The following RORA variants were observed in gnomAD, a reference collection of about 807,000 sequenced individuals.
The protein encoded by RORA is nuclear receptor ROR-alpha.
A neutral mutation model predicts 69.5 loss-of-function variants in RORA; 7 were observed. That is an observed-to-expected ratio of 0.10 (90% CI 0.06 to 0.19). The LOEUF (loss-of-function observed/expected upper bound fraction) is 0.19, where lower values mean the gene tolerates loss of function less well. RORA is among the 10% of genes least tolerant of loss of function. The pLI is 1.00. For missense variants in RORA, 457 were observed against 663.0 expected, an observed-to-expected ratio of 0.69 and a Z score of 3.41; for synonymous variants, 261 against 240.8, an observed-to-expected ratio of 1.08 and a Z score of -0.78.
chr15:60,955,618 T>C (rs369894225), intron 1 of RORA, among the ~76,000 whole-genome samples: 19 of 152,352 alleles, frequency 1.2e-4, no homozygotes, highest in Admixed American at 8.5e-4. Context: ...CTCACATTTA[T>C]ACAGTGCAAA....
intron 1 of RORA, among the ~76,000 whole-genome samples, chr15:61,084,624 A>G (rs2078595703): frequency 1.3e-5 from 2 of 152,190 alleles, no homozygotes; most frequent in South Asian, 4.1e-4. Flanking sequence ...TCTTGGCAGA[A>G]TCTTCAAGTG....
At chr15:60,561,065 T>C (rs565144678) in intron 2 of RORA, among the ~76,000 whole-genome samples, 1 of 137,954 alleles carries the variant, frequency 7.2e-6, no homozygotes, top group African/African-American at 3.3e-5. Context: ...TGTTTTTTTT[T>C]TTTTTGTTTT....
At chr15:60,915,317 C>A (rs1458866108) in intron 1 of RORA, among the ~76,000 whole-genome samples, 1 of 152,232 alleles carries the variant, frequency 6.6e-6, no homozygotes, top group Non-Finnish European at 1.5e-5. Context: ...TGAATCCTGG[C>A]CACTGCCTCC....
At chr15:61,078,333 G>C (rs1352792118) in intron 1 of RORA, among the ~76,000 whole-genome samples, 2 of 90,606 alleles carry the variant, frequency 2.2e-5, no homozygotes, top group East Asian at 3.1e-4. Flanking sequence ...CTGGCTCTGT[G>C]TGTGTGTGTG....
At chr15:60,556,986 G>T in intron 2 of RORA, 1 of 1,419,618 alleles carries the variant, frequency 7.0e-7, no homozygotes, top group Non-Finnish European at 9.9e-7. Context: ...ATCAGAGCAT[G>T]TATTTATGCA....
intron 1 of RORA, among the ~76,000 whole-genome samples, chr15:60,976,969 G>C (rs927112926): frequency 1.6e-4 from 24 of 152,270 alleles, no homozygotes; most frequent in Admixed American, 1.2e-3. Context: ...CATGTGTCCT[G>C]GGTTTCCCAG....
chr15:61,194,505 G>C (rs1236562080), intron 1 of RORA, among the ~76,000 whole-genome samples: 3 of 148,516 alleles, frequency 2.0e-5, no homozygotes, highest in African/African-American at 5.0e-5. Context: ...CGAGGTTGCA[G>C]TGAGCTAAGA....
intron 1 of RORA, among the ~76,000 whole-genome samples, chr15:61,211,452 G>T (rs1172834929): frequency 1.3e-5 from 2 of 152,156 alleles, no homozygotes; most frequent in African/African-American, 4.8e-5. Context: ...CCCACTGTCA[G>T]ATCAAACACA....
chr15:60,815,722 C>T (rs899734038), intron 1 of RORA, among the ~76,000 whole-genome samples: 1 of 151,634 alleles, frequency 6.6e-6, no homozygotes, highest in African/African-American at 2.4e-5. Context: ...GTCAACACCC[C>T]CCGAGGTGTG....
At chr15:60,743,330 C>G (rs1441677481) in intron 1 of RORA, among the ~76,000 whole-genome samples, 1 of 152,120 alleles carries the variant, frequency 6.6e-6, no homozygotes, top group Non-Finnish European at 1.5e-5. Flanking sequence ...TGCATTGACT[C>G]ATGACTGATA....
At chr15:60,674,245 A>G (rs557549885) in intron 2 of RORA, among the ~76,000 whole-genome samples, 1 of 152,352 alleles carries the variant, frequency 6.6e-6, no homozygotes, top group South Asian at 2.1e-4. Context: ...GGTGAGCCCC[A>G]AGTTTGGGGT....
chr15:60,882,262 G>A (rs1465805312), intron 1 of RORA, among the ~76,000 whole-genome samples: 1 of 152,176 alleles, frequency 6.6e-6, no homozygotes, highest in Non-Finnish European at 1.5e-5. Flanking sequence ...GTCCCCTAGG[G>A]TATATTTGGC....
chr15:60,946,478 C>T (rs1009135381), intron 1 of RORA, among the ~76,000 whole-genome samples: 3 of 152,226 alleles, frequency 2.0e-5, no homozygotes, highest in Admixed American at 6.5e-5. Flanking sequence ...CTTTGTTGGC[C>T]GGGCTGGTCT....
At chr15:61,008,201 C>CTT (rs1388505353) in intron 1 of RORA, among the ~76,000 whole-genome samples, 63 of 106,708 alleles carry the variant, frequency 5.9e-4, no homozygotes, top group African/African-American at 2.0e-3. Context: ...TTCTCTCTCT[C>CTT]TCTGTGTGTG....
chr15:61,014,631 GCTGT>G (rs1253252797), intron 1 of RORA, among the ~76,000 whole-genome samples: 2 of 152,178 alleles, frequency 1.3e-5, no homozygotes, highest in Admixed American at 6.5e-5. Context: ...CATAAGGCTA[GCTGT>G]CTAAGGCAAA....
At chr15:60,597,573 TACACATATATATATATATATACAC>T (rs58841890) in intron 2 of RORA, among the ~76,000 whole-genome samples, 429 of 38,070 alleles carry the variant, frequency 0.011, 55 homozygotes, top group East Asian at 0.029. Context: ...TATATATATA[TACACATATATATATATATATACAC>T]ATATATATAT....
chr15:61,038,892 T>C (rs1325489374), intron 1 of RORA: 3 of 152,262 alleles, frequency 2.0e-5, no homozygotes, highest in Admixed American at 1.3e-4. Context: ...GACTAAAACA[T>C]GAGCATTCTC....
chr15:60,985,465 C>T (rs1894170291), intron 1 of RORA, among the ~76,000 whole-genome samples: 1 of 151,590 alleles, frequency 6.6e-6, no homozygotes, highest in Non-Finnish European at 1.5e-5. Context: ...AAATGAAATC[C>T]TTTTTAAATT....
At chr15:60,893,067 A>C (rs1222922580) in intron 1 of RORA, among the ~76,000 whole-genome samples, 1 of 152,230 alleles carries the variant, frequency 6.6e-6, no homozygotes, top group Admixed American at 6.5e-5. Flanking sequence ...TCTAACCTTT[A>C]AACTTCAGTC....
Sources: gnomAD v4.1 joint callset for allele counts (sites outside exome capture counted in the v4.1 genomes callset) on GRCh38, gnomAD v4.1.1 for gene constraint, MANE v1.5 for transcripts, NCBI Gene and HGNC (gene_info 2026-07-23, HGNC 2026-07-21) for gene names.